GPC6: variants seen among roughly 807,000 people sequenced by gnomAD.
GPC6 encodes glypican-6.
GPC6 carries 14 observed loss-of-function variants against 55.2 expected under a neutral mutation model. The observed-to-expected ratio is 0.25, with a 90% CI of 0.17 to 0.40. The LOEUF (loss-of-function observed/expected upper bound fraction) is 0.40. GPC6 is among the 10% of genes least tolerant of loss of function. GPC6 has a pLI of 1.00. For missense variants in GPC6, 641 were observed against 708.5 expected (o/e 0.90, Z 1.08); for synonymous variants, 278 against 259.6 (o/e 1.07, Z -0.68).
At chr13:93,393,127 T>TATATAGAGAGAGAG (rs1230857277) in intron 1 of GPC6, among the ~76,000 whole-genome samples, 3 of 87,624 alleles carry the variant, frequency 3.4e-5, no homozygotes, top group African/African-American at 1.2e-4. Context: ...TATATATATA[T>TATATAGAGAGAGAG]AGAGAGAGAG....
In GPC6 at chr13:93,295,290, C is replaced by CAAA. The variant is rs67379652; in HGVS notation, c.160+67695_160+67697dup. 1.5e-3 allele frequency among the ~76,000 whole-genome samples: 102 copies of CAAA among 66,662 alleles called. 2 individuals carry two copies. Among genetic ancestry groups the CAAA allele is most frequent in the East Asian group, 5.6e-3 (11 of 1,954 alleles). 43.7% of individuals were successfully genotyped at this position (66,662 alleles called of 152,430 possible). A position where few individuals can be genotyped will look rare whatever the true frequency, so the allele number is the denominator to read the frequency against. On this transcript the variant is annotated intron_variant, in intron 1 of 8. Coordinates refer to ENST00000377047, the MANE Select transcript of GPC6 (RefSeq NM_005708.5). ...GGGGTGGTACAGGGAGACCCTGTCT[C>CAAA]AAAAAAAAAAAAAAAAAAAAAAAGA...
chr13:93,675,698 G>A lies in GPC6; in HGVS notation c.319+130277G>A, dbSNP rs765926261. ...CATTTTAAGAATTCTTAAAAATGTC[G>A]TCAAGCAAACCCTCAGACTATTTTA... On this transcript the variant is annotated intron_variant, in intron 2 of 8. Transcript: ENST00000377047. 5.1e-4 allele frequency among the ~76,000 whole-genome samples: 78 copies of A among 152,156 alleles called. No homozygotes were observed. In the Middle Eastern group the frequency reaches 0.01, roughly 20 times the overall value.
At chr13:93,650,483 T>G (rs1380478125) in intron 2 of GPC6, among the ~76,000 whole-genome samples, 1 of 85,066 alleles carries the variant, frequency 1.2e-5, no homozygotes, top group Non-Finnish European at 2.9e-5. Context: ...AAAAAAAAAG[T>G]CAAAGCTGCG....
chr13:93,262,048 T>G (rs937978705), intron 1 of GPC6, among the ~76,000 whole-genome samples: 2 of 152,044 alleles, frequency 1.3e-5, no homozygotes, highest in Non-Finnish European at 2.9e-5. Flanking sequence ...AAATTCTGAC[T>G]ACAAGACTAT....
chr13:94,024,553 A>C (rs1882820863), intron 3 of GPC6, among the ~76,000 whole-genome samples: 1 of 152,142 alleles, frequency 6.6e-6, no homozygotes, highest in Non-Finnish European at 1.5e-5. Flanking sequence ...CCTGGGCTCC[A>C]TTTTCTTCTT....
intron 1 of GPC6, among the ~76,000 whole-genome samples, chr13:93,448,325 G>A (rs1037546072): frequency 2.6e-5 from 4 of 152,134 alleles, no homozygotes; most frequent in African/African-American, 4.8e-5. Context: ...TAGCCTAAGA[G>A]CAAAAGACTA....
chr13:93,665,338 G>T (rs897073305), intron 2 of GPC6, among the ~76,000 whole-genome samples: 3 of 152,144 alleles, frequency 2.0e-5, no homozygotes, highest in African/African-American at 7.2e-5. Flanking sequence ...AAATCAATTT[G>T]CAGCACTCTA....
intron 1 of GPC6, among the ~76,000 whole-genome samples, chr13:93,446,684 T>C (rs1055148754): frequency 6.6e-6 from 1 of 152,186 alleles, no homozygotes; most frequent in Non-Finnish European, 1.5e-5. Flanking sequence ...GATGAATTGT[T>C]CGATTGAGGT....
chr13:93,998,693 T>TA (rs1007796555), intron 3 of GPC6, among the ~76,000 whole-genome samples: 3 of 152,242 alleles, frequency 2.0e-5, no homozygotes, highest in African/African-American at 4.8e-5. Flanking sequence ...ATAAGATTTT[T>TA]AAAAAATTAA....
intron 1 of GPC6, among the ~76,000 whole-genome samples, chr13:93,347,130 C>A (rs572898847): frequency 7.2e-5 from 11 of 152,206 alleles, no homozygotes; most frequent in African/African-American, 2.6e-4. Flanking sequence ...AAGCATCAAA[C>A]TGAACCAAGT....
At chr13:93,836,060 C>T (rs759869696) in intron 3 of GPC6, 6 of 152,312 alleles carry the variant, frequency 3.9e-5, no homozygotes, top group East Asian at 1.9e-4. Flanking sequence ...CACCCACCTA[C>T]GTCTGCTACA....
At chr13:93,467,429 C>G (rs1372001545) in intron 1 of GPC6, among the ~76,000 whole-genome samples, 1 of 152,070 alleles carries the variant, frequency 6.6e-6, no homozygotes, top group Non-Finnish European at 1.5e-5. Context: ...ATATGGACTC[C>G]TCGTGGAGCA....
chr13:94,041,222 A>G (rs1169002786), intron 4 of GPC6, among the ~76,000 whole-genome samples: 1 of 151,876 alleles, frequency 6.6e-6, no homozygotes, highest in Non-Finnish European at 1.5e-5. Flanking sequence ...TCTGCAAATC[A>G]GTTACAAGAT....
chr13:93,505,372 A>T (rs916963307), intron 1 of GPC6, among the ~76,000 whole-genome samples: 1 of 152,126 alleles, frequency 6.6e-6, no homozygotes, highest in Non-Finnish European at 1.5e-5. Context: ...TTATTAGCAT[A>T]CATCCTTGTT....
At chr13:93,496,596 G>A (rs1020950191) in intron 1 of GPC6, among the ~76,000 whole-genome samples, 1 of 152,140 alleles carries the variant, frequency 6.6e-6, no homozygotes, top group Non-Finnish European at 1.5e-5. Flanking sequence ...TAAAGCCTGG[G>A]GTTTACATTC....
chr13:94,120,075 T>G (rs186824272), intron 4 of GPC6, among the ~76,000 whole-genome samples: 1 of 152,188 alleles, frequency 6.6e-6, no homozygotes, highest in African/African-American at 2.4e-5. Flanking sequence ...AATTATATGT[T>G]TATGTAATTT....
chr13:94,184,664 A>G (rs747644214), intron 4 of GPC6, among the ~76,000 whole-genome samples: 3 of 152,216 alleles, frequency 2.0e-5, no homozygotes, highest in Non-Finnish European at 4.4e-5. Context: ...GGCTGCAGAG[A>G]AAAGGAAGCA....
chr13:93,595,614 T>C (rs1877691530), intron 2 of GPC6, among the ~76,000 whole-genome samples: 1 of 152,174 alleles, frequency 6.6e-6, no homozygotes, highest in Non-Finnish European at 1.5e-5. Context: ...TGTATAGTCA[T>C]TGTCCTGTGT....
rs1436700724 is a variant in GPC6, at chr13:94,110,077, A to AG, written c.877+82183_877+82184insG. On this transcript the variant is annotated intron_variant, in intron 4 of 8. Transcript: ENST00000377047. Reference sequence around the variant, plus strand: ...CACCCTGGACTAAAAAAAAAAAAAAAAAAAGAAAAGAAAAAAAGCTGTAGT... The same window carrying AG: ...CACCCTGGACTAAAAAAAAAAAAAAAGAAAAGAAAAGAAAAAAAGCTGTAGT... Among the ~76,000 whole-genome samples the AG allele has an allele frequency of 9.2e-5, 14 of 151,606 alleles. No individual in the cohort carries two copies. The East Asian group carries it at 2.3e-3, about 25-fold the overall frequency.
Sources: gnomAD v4.1 joint callset for allele counts (sites outside exome capture counted in the v4.1 genomes callset) on GRCh38, gnomAD v4.1.1 for gene constraint, MANE v1.5 for transcripts, NCBI Gene and HGNC (gene_info 2026-07-23, HGNC 2026-07-21) for gene names.